Variants in PAK2 observed in about 807,000 individuals in gnomAD.
PAK2 encodes the protein serine/threonine-protein kinase PAK 2.
PAK2 carries 21 observed loss-of-function variants against 65.9 expected under a neutral mutation model. That is an observed-to-expected ratio of 0.32 (90% CI 0.23 to 0.46). The LOEUF (loss-of-function observed/expected upper bound fraction) is 0.46, where lower values mean the gene tolerates loss of function less well. Among genes scored for constraint, PAK2 ranks in the 20% least tolerant of loss-of-function variants. The pLI, the probability that PAK2 is intolerant of heterozygous loss-of-function variation, is 1.00. For synonymous variants in PAK2, 204 were observed against 219.7 expected, an observed-to-expected ratio of 0.93 and a Z score of 0.63; for missense variants, 324 against 642.6, an observed-to-expected ratio of 0.50 and a Z score of 5.36.
intron 1 of PAK2, among the ~76,000 whole-genome samples, chr3:196,763,838 G>A (rs1337317344): frequency 6.6e-6 from 1 of 152,170 alleles, no homozygotes; most frequent in Non-Finnish European, 1.5e-5. Flanking sequence ...CTGTCACCCA[G>A]GCTGGAGTGC....
At chr3:196,827,463 T>C in intron 14 of PAK2, 130 bp downstream of exon 14, 1 of 1,489,724 alleles carries the variant, frequency 6.7e-7, no homozygotes. Flanking sequence ...TGCTGCAATT[T>C]AGGGTTTCAT....
intron 1 of PAK2, among the ~76,000 whole-genome samples, chr3:196,766,581 C>T (rs150024882): frequency 2.0e-5 from 3 of 152,114 alleles, no homozygotes; most frequent in African/African-American, 7.2e-5. Context: ...TTACTACAAG[C>T]AGTATTGTTC....
At chr3:196,811,957 T>G (rs1186557854) in intron 8 of PAK2, among the ~76,000 whole-genome samples, 1 of 152,118 alleles carries the variant, frequency 6.6e-6, no homozygotes, top group African/African-American at 2.4e-5. Context: ...TCCTTAAGTA[T>G]ATGTTATATA....
At chr3:196,761,162 T>TTTA (rs1553801124) in intron 1 of PAK2, among the ~76,000 whole-genome samples, 8 of 140,294 alleles carry the variant, frequency 5.7e-5, no homozygotes, top group African/African-American at 8.0e-5. Context: ...TTTTTTTTTT[T>TTTA]AATTTATTTT....
chr3:196,798,859 G>A (rs1463170372), intron 2 of PAK2, among the ~76,000 whole-genome samples: 1 of 152,112 alleles, frequency 6.6e-6, no homozygotes, highest in Non-Finnish European at 1.5e-5. Context: ...TGATAGAAGT[G>A]TTCAGCAAAC....
At chr3:196,745,146 C>T (rs1375286900) in intron 1 of PAK2, among the ~76,000 whole-genome samples, 1 of 146,790 alleles carries the variant, frequency 6.8e-6, no homozygotes, top group Non-Finnish European at 1.5e-5. Context: ...GACAGAGTCT[C>T]ACTCTGTCAC....
Position 196,830,717 on chromosome 3 carries a change from T to G in PAK2, c.*2312T>G, listed in dbSNP as rs1712046940. 6.6e-6 allele frequency: 1 copy of G among 152,214 alleles called. No homozygotes were observed. The highest frequency in any genetic ancestry group is 2.4e-5 in the African/African-American group (1 of 41,464). 9.4% of individuals were successfully genotyped at this position (152,214 alleles called of 1,614,324 possible). On this transcript the variant is annotated 3_prime_UTR_variant, in exon 15 of 15. Coordinates refer to ENST00000327134, the MANE Select transcript of PAK2 (RefSeq NM_002577.4). ...GTTAAGGGAGCTACGCTGTGGTTTA[T>G]TCTTAAGTTACGTGGATAAACTAAC...
intron 1 of PAK2, among the ~76,000 whole-genome samples, chr3:196,758,664 T>G (rs563733103): frequency 1.3e-4 from 20 of 152,210 alleles, no homozygotes; most frequent in African/African-American, 4.3e-4. Context: ...TTTTAGTTTA[T>G]TTTATTTTGA....
intron 1 of PAK2, among the ~76,000 whole-genome samples, chr3:196,771,544 C>CTCCT (rs1714360638): frequency 6.6e-6 from 1 of 150,476 alleles, no homozygotes; most frequent in African/African-American, 2.5e-5. Flanking sequence ...ATCTACTCAT[C>CTCCT]TCCTCTTTCA....
Position 196,791,633 on chromosome 3 carries a change from A to G in PAK2, c.187+8800A>G, listed in dbSNP as rs983364465. On this transcript the variant is annotated intron_variant, in intron 2 of 14. Coordinates refer to ENST00000327134, the MANE Select transcript of PAK2 (RefSeq NM_002577.4). This position sits in a 1 kb window ranked among gnomAD's most constrained non-coding sequence, Gnocchi z 4.0. Reference sequence around the variant, plus strand: ...GTTTTTTCTTTATGTGTTAAGAAATATAATTCCTGGGCCGGGCGTGGTGGC... The same window carrying G: ...GTTTTTTCTTTATGTGTTAAGAAATGTAATTCCTGGGCCGGGCGTGGTGGC... Among the ~76,000 whole-genome samples, 5 of 152,182 alleles carry G rather than the reference A, an allele frequency of 3.3e-5. No individual in the cohort carries two copies. The highest frequency in any genetic ancestry group is 5.9e-5 in the Non-Finnish European group (4 of 68,042).
At chr3:196,805,464 C>G (rs1362913695) in intron 5 of PAK2, 81 bp downstream of exon 5, 3 of 721,842 alleles carry the variant, frequency 4.2e-6, no homozygotes, top group East Asian at 5.8e-5. Context: ...ATTTTGCTTT[C>G]TAAAATAAAT....
chr3:196,750,331 C>G (rs919529058), intron 1 of PAK2, among the ~76,000 whole-genome samples: 4 of 151,848 alleles, frequency 2.6e-5, no homozygotes, highest in Non-Finnish European at 5.9e-5. Context: ...AGAGACGGTT[C>G]ACTCTGTTGC....
intron 1 of PAK2, among the ~76,000 whole-genome samples, chr3:196,777,105 T>C (rs1714560435): frequency 6.6e-6 from 1 of 152,240 alleles, no homozygotes; most frequent in Non-Finnish European, 1.5e-5. Flanking sequence ...ACTCAACTTA[T>C]TTTGTTTTGG....
At chr3:196,810,713 GC>G (rs1409498296) in intron 8 of PAK2, 60 bp downstream of exon 8, 8 of 881,910 alleles carry the variant, frequency 9.1e-6, no homozygotes, top group Non-Finnish European at 1.5e-5. Flanking sequence ...TGGCTTTATA[GC>G]ATGATGTTTA....
chr3:196,776,887 G>C (rs2108734638), intron 1 of PAK2, among the ~76,000 whole-genome samples: 1 of 152,284 alleles, frequency 6.6e-6, no homozygotes, highest in South Asian at 2.1e-4. Context: ...TACCAAAGAA[G>C]AAAATCCACA....
intron 4 of PAK2, among the ~76,000 whole-genome samples, chr3:196,804,962 A>G (rs960018568): frequency 4.6e-5 from 7 of 152,070 alleles, no homozygotes; most frequent in Non-Finnish European, 8.8e-5. Context: ...TAATTGTTGC[A>G]TTAAGTTCCT....
At chr3:196,780,857 C>G (rs931168754) in intron 1 of PAK2, among the ~76,000 whole-genome samples, 2 of 152,180 alleles carry the variant, frequency 1.3e-5, no homozygotes, top group African/African-American at 4.8e-5. Flanking sequence ...GGCGCAATCT[C>G]GGCTCACTGC....
rs1712125892 is a variant in PAK2 at position 196,832,545 on chromosome 3, A to C, written c.*4140A>C. The C allele has an allele frequency of 6.6e-6, 1 of 152,116 alleles. No individual in the cohort carries two copies. Among genetic ancestry groups the C allele is most frequent in the South Asian group, 2.1e-4 (1 of 4,834 alleles). 9.4% of individuals were successfully genotyped at this position (152,116 alleles called of 1,614,324 possible). A position where few individuals can be genotyped will look rare whatever the true frequency, so the allele number is the denominator to read the frequency against. On this transcript the variant is annotated 3_prime_UTR_variant, in exon 15 of 15. Transcript: ENST00000327134. The stretch of plus-strand genomic sequence containing the variant: ...TCTTTCTTTTGATCAGCGTAAAAGA[A>C]TATTTTAATGTCTTTTGATAGCATA...
chr3:196,780,828 C>T (rs1302660169), intron 1 of PAK2, among the ~76,000 whole-genome samples: 3 of 151,962 alleles, frequency 2.0e-5, no homozygotes, highest in South Asian at 2.1e-4. Flanking sequence ...CTTGCTTTGT[C>T]GCCAGGCTGG....
Sources: allele counts gnomAD v4.1 joint callset (sites outside exome capture counted in the v4.1 genomes callset), GRCh38; gene constraint gnomAD v4.1.1; non-coding constraint Gnocchi (gnomAD v3.1); transcripts MANE v1.5; gene names NCBI Gene and HGNC (gene_info 2026-07-23, HGNC 2026-07-21).